The following KRT32 variants were observed in gnomAD, a reference collection of about 807,000 sequenced individuals.
The protein encoded by KRT32 is keratin, type I cuticular Ha2.
A neutral mutation model predicts 41.8 loss-of-function variants in KRT32; 44 were observed. That is an observed-to-expected ratio of 1.05 (90% CI 0.83 to 1.35). KRT32 has a LOEUF of 1.35. Among genes scored for constraint, KRT32 ranks in the 40% most tolerant of loss-of-function variants. KRT32 has a pLI of 0.00. For missense variants in KRT32, 576 were observed against 584.6 expected, an observed-to-expected ratio of 0.99 and a Z score of 0.15; for synonymous variants, 238 against 242.5, an observed-to-expected ratio of 0.98 and a Z score of 0.17.
chr17:41,460,128 G>A lies in KRT32; in HGVS notation c.1329C>T (p.Cys443=), dbSNP rs751383668. The change falls in exon 7 of 7, where the codon TGC becomes TGT. Residue 443 remains cysteine (C), a synonymous_variant. Transcript: ENST00000225899. The part of the protein sequence containing the change: ...PRTVGMPCSP[C]PQGRY Reference sequence around the variant, plus strand: ...AGGGACTTCAGTAGCGGCCCTGGGGGCAGGGTGAGCAAGGCATGCCAACAG... The same window carrying A: ...AGGGACTTCAGTAGCGGCCCTGGGGACAGGGTGAGCAAGGCATGCCAACAG... 2.3e-5 allele frequency: 37 copies of A among 1,611,454 alleles called. No homozygotes were observed. Among genetic ancestry groups the A allele is most frequent in the Middle Eastern group, 1.7e-4 (1 of 5,746 alleles).
chr17:41,460,051 C>A lies in KRT32; in HGVS notation c.*59G>T. 1 of 1,526,062 alleles carries A rather than the reference C, an allele frequency of 6.6e-7. No individual in the cohort carries two copies. The highest frequency in any genetic ancestry group is 8.8e-7 in the Non-Finnish European group (1 of 1,137,362). The allele number at this position is 1,526,062 out of a possible 1,614,324, so 94.5% of individuals were successfully genotyped here. ...GGGCTGGCCCTGCTCTTCTGGTGGC[C>A]ACTGAATACCAGGCTGCCCAGCCCC... On this transcript the variant is annotated 3_prime_UTR_variant, in exon 7 of 7. Transcript: ENST00000225899.
chr17:41,460,325 C>G, intron 6 of KRT32, 86 bp from the exon 7 acceptor site: 5 of 1,475,760 alleles, frequency 3.4e-6, no homozygotes, highest in Non-Finnish European at 4.6e-6. Flanking sequence ...TCGGATGCCT[C>G]TCAACCCCAT....
chr17:41,465,655 G>T (rs932244841), intron 3 of KRT32, 118 bp downstream of exon 3: 3 of 1,042,316 alleles, frequency 2.9e-6, no homozygotes, highest in Non-Finnish European at 4.1e-6. Context: ...ATTGGGCAAA[G>T]TCACTAAAAC....
Position 41,462,535 on chromosome 17 carries a change from C to A in KRT32, c.1217+295G>T, listed in dbSNP as rs1470417552. 2.0e-5 allele frequency among the ~76,000 whole-genome samples: 3 copies of A among 152,314 alleles called. No individual in the cohort carries two copies. The East Asian group carries it at 5.8e-4, about 29-fold the overall frequency. ...TAAACATATGGAAATGACAGGAGGG[C>A]AAATGCCCTGTCTTCCTCTATCTTG... On this transcript the variant is annotated intron_variant, in intron 6 of 6. Coordinates refer to ENST00000225899, the MANE Select transcript of KRT32 (RefSeq NM_002278.3).
chr17:41,459,987 G>T lies in KRT32; in HGVS notation c.*123C>A. On this transcript the variant is annotated 3_prime_UTR_variant, in exon 7 of 7. Transcript: ENST00000225899. The stretch of plus-strand genomic sequence containing the variant: ...CCTGGAGTATCAGAGCTTGTTGCAG[G>T]TGATCCACGGTCCTGCTCAGGGTCT... 9.8e-7 allele frequency: 1 copy of T among 1,023,398 alleles called. No individual in the cohort carries two copies. The highest frequency in any genetic ancestry group is 1.4e-6 in the Non-Finnish European group (1 of 717,196). The allele number at this position is 1,023,398 out of a possible 1,614,324, so 63.4% of individuals were successfully genotyped here. A position where few individuals can be genotyped will look rare whatever the true frequency, so the allele number is the denominator to read the frequency against.
chr17:41,466,291 G>T, intron 1 of KRT32, 115 bp from the exon 2 acceptor site: 1 of 750,874 alleles, frequency 1.3e-6, no homozygotes. Context: ...AGCCATCCCT[G>T]CAGAAGGTCC....
At chr17:41,462,629 A>G (rs542795639) in intron 6 of KRT32, among the ~76,000 whole-genome samples, 2 of 152,264 alleles carry the variant, frequency 1.3e-5, no homozygotes, top group Non-Finnish European at 2.9e-5. Context: ...ATGAGATAGA[A>G]TGGTCTCCGA....
rs2019081732 is a variant in KRT32 at position 41,467,261 on chromosome 17, G to T, written c.65C>A (p.Ala22Asp). The T allele has an allele frequency of 6.2e-7, 1 of 1,613,560 alleles. No homozygotes were observed. Among genetic ancestry groups the T allele is most frequent in the Admixed American group, 1.7e-5 (1 of 60,008 alleles). Reference protein sequence around the residue: ...QASLKSCPRPASVCSSGVNCR... With the variant: ...QASLKSCPRPDSVCSSGVNCR... ...GTTCACGCCGCTGGAACAGACCGAGGCAGGCCGGGGGCAGCTCTTGAGAGA... is the reference window on the plus strand; with the variant it reads ...GTTCACGCCGCTGGAACAGACCGAGTCAGGCCGGGGGCAGCTCTTGAGAGA... The change falls in exon 1 of 7, where the codon GCC (alanine) becomes GAC (aspartate). Residue 22 changes from alanine (A) to aspartate (D), a missense_variant. Coordinates refer to ENST00000225899, the MANE Select transcript of KRT32 (RefSeq NM_002278.3).
chr17:41,460,038 C>A lies in KRT32; in HGVS notation c.*72G>T. On this transcript the variant is annotated 3_prime_UTR_variant, in exon 7 of 7. Coordinates refer to ENST00000225899, the MANE Select transcript of KRT32 (RefSeq NM_002278.3). ...TCCTTGCTGACCGGGGCTGGCCCTGCTCTTCTGGTGGCCACTGAATACCAG... is the reference window on the plus strand; with the variant it reads ...TCCTTGCTGACCGGGGCTGGCCCTGATCTTCTGGTGGCCACTGAATACCAG... 3 of 1,388,402 alleles carry A rather than the reference C, an allele frequency of 2.2e-6. No individual in the cohort carries two copies. The highest frequency in any genetic ancestry group is 2.8e-6 in the Non-Finnish European group (3 of 1,063,952). 86.0% of individuals were successfully genotyped at this position (1,388,402 alleles called of 1,614,324 possible). A position where few individuals can be genotyped will look rare whatever the true frequency, so the allele number is the denominator to read the frequency against.
At chr17:41,462,534 G>A (rs554011045) in intron 6 of KRT32, among the ~76,000 whole-genome samples, 5 of 152,282 alleles carry the variant, frequency 3.3e-5, no homozygotes, top group Non-Finnish European at 7.4e-5. Flanking sequence ...TGACAGGAGG[G>A]CAAATGCCCT....
intron 2 of KRT32, 72 bp from the exon 3 acceptor site, chr17:41,466,001 G>T: frequency 6.3e-7 from 1 of 1,599,350 alleles, no homozygotes; most frequent in South Asian, 1.1e-5. Flanking sequence ...TAAACTGCCG[G>T]CACTTTCCAA....
chr17:41,465,866 G>A lies in KRT32; in HGVS notation c.615C>T (p.Ile205=), dbSNP rs774301975. Reference sequence around the variant, plus strand: ...CCTTGCACAGAGTGAGATCATCCAGGATCCTGCGCAGGCCATTGATGTCGG... The same window carrying A: ...CCTTGCACAGAGTGAGATCATCCAGAATCCTGCGCAGGCCATTGATGTCGG... ...VEADINGLRR[I]LDDLTLCKAD... is the part of the protein sequence containing the mutation. Residue 205 remains isoleucine (I), a synonymous_variant, in exon 3 of 7, where the codon ATC becomes ATT. Coordinates refer to ENST00000225899, the MANE Select transcript of KRT32 (RefSeq NM_002278.3). 12 of 1,613,928 alleles carry A rather than the reference G, an allele frequency of 7.4e-6. No homozygotes were observed. Among genetic ancestry groups the A allele is most frequent in the Non-Finnish European group, 8.5e-7 (1 of 1,179,972 alleles).
rs374011849 is a variant in KRT32 at position 41,467,242 on chromosome 17, G to A, written c.84C>T (p.Gly28=). The A allele has an allele frequency of 9.9e-6, 16 of 1,613,690 alleles. No homozygotes were observed. Among genetic ancestry groups the A allele is most frequent in the African/African-American group, 5.3e-5 (4 of 74,956 alleles). Residue 28 remains glycine (G), a synonymous_variant, in exon 1 of 7, where the codon GGC becomes GGT. Transcript: ENST00000225899. Reference sequence around the variant, plus strand: ...GGCACAGCTCAGGCCGGCAGTTCACGCCGCTGGAACAGACCGAGGCAGGCC... The same window carrying A: ...GGCACAGCTCAGGCCGGCAGTTCACACCGCTGGAACAGACCGAGGCAGGCC... The part of the protein sequence containing the change: ...CPRPASVCSS[G]VNCRPELCLG...
rs1417785365 is a variant in KRT32, at chr17:41,467,161, G to T, written c.165C>A (p.Thr55=). ...ACLPSVCLPT[T]FRPASCLSKT... ...TGGAGAGGCAGCTGGCTGGCCGGAA[G>T]GTGGTGGGCAGGCAGACCGAAGGCA... Residue 55 remains threonine, a synonymous_variant, in exon 1 of 7, where the codon ACC becomes ACA. Coordinates refer to ENST00000225899, the MANE Select transcript of KRT32 (RefSeq NM_002278.3). 3 of 1,614,116 alleles carry T rather than the reference G, an allele frequency of 1.9e-6. No individual in the cohort carries two copies. In the South Asian group the frequency reaches 3.3e-5, roughly 18 times the overall value.
At position 41,467,113 on chromosome 17, in the gene KRT32, G is replaced by T. The variant is rs752830805; in HGVS notation, c.213C>A (p.Cys71Ter). 3.1e-6 allele frequency: 5 copies of T among 1,614,180 alleles called. No homozygotes were observed. Among genetic ancestry groups the T allele is most frequent in the Non-Finnish European group, 4.2e-6 (5 of 1,180,034 alleles). The change falls in exon 1 of 7, where the codon TGC becomes TGA. Residue 71 changes from cysteine to a stop codon, truncating the protein, a stop_gained. Coordinates refer to ENST00000225899, the MANE Select transcript of KRT32 (RefSeq NM_002278.3). LOFTEE classifies it high-confidence loss of function. ...CLSKTYLSSS[C>*]QAASGISGSM... ...AGCCGGAGATGCCACTGGCTGCCTG[G>T]CAGGAACTGGATAGATAGGTTTTGG... is the stretch of plus-strand genomic sequence containing the variant.
chr17:41,461,201 T>C (rs1465458812), intron 6 of KRT32, among the ~76,000 whole-genome samples: 1 of 152,188 alleles, frequency 6.6e-6, no homozygotes, highest in African/African-American at 2.4e-5. Context: ...TAGTAATCAT[T>C]CTATTATGGT....
intron 3 of KRT32, among the ~76,000 whole-genome samples, chr17:41,465,099 C>T (rs1027719747): frequency 6.6e-6 from 1 of 152,160 alleles, no homozygotes; most frequent in Non-Finnish European, 1.5e-5. Flanking sequence ...GGGAAAAACA[C>T]CATGGCTCAG....
chr17:41,460,045 G>T lies in KRT32; in HGVS notation c.*65C>A. ...TGACCGGGGCTGGCCCTGCTCTTCT[G>T]GTGGCCACTGAATACCAGGCTGCCC... On this transcript the variant is annotated 3_prime_UTR_variant, in exon 7 of 7. Coordinates refer to ENST00000225899, the MANE Select transcript of KRT32 (RefSeq NM_002278.3). The T allele has an allele frequency of 6.6e-7, 1 of 1,515,800 alleles. No homozygotes were observed. Among genetic ancestry groups the T allele is most frequent in the Non-Finnish European group, 8.8e-7 (1 of 1,130,510 alleles). The allele number at this position is 1,515,800 out of a possible 1,614,324, so 93.9% of individuals were successfully genotyped here.
At position 41,464,122 on chromosome 17, in the gene KRT32, T is replaced by C. The variant is rs199859870; in HGVS notation, c.952A>G (p.Thr318Ala). The change falls in exon 5 of 7, where the codon ACG (threonine) becomes GCG (alanine). Residue 318 changes from threonine to alanine, a missense_variant. Thr to Ala is a moderately conservative substitution (Grantham distance 58, BLOSUM62 0). Transcript: ENST00000225899. The part of the protein sequence containing the change: ...YQSDIIDLRR[T>A]VNTLEIELQA... ...AGCTCGATCTCCAGCGTGTTGACCG[T>C]GCGTCTCAGGTCAATGATGTCTGAC... 36 of 1,612,322 alleles carry C rather than the reference T, an allele frequency of 2.2e-5. No homozygotes were observed. Among genetic ancestry groups the C allele is most frequent in the Non-Finnish European group, 2.5e-5 (30 of 1,179,026 alleles).
Sources: gnomAD v4.1 joint callset for allele counts (sites outside exome capture counted in the v4.1 genomes callset) on GRCh38, gnomAD v4.1.1 for gene constraint, MANE v1.5 for transcripts, NCBI Gene and HGNC (gene_info 2026-07-23, HGNC 2026-07-21) for gene names.